Variants in ATL1 observed in about 807,000 individuals in gnomAD.
ATL1 encodes the protein atlastin GTPase 1.
A neutral mutation model predicts 75.5 loss-of-function variants in ATL1; 31 were observed. The ratio of observed to expected loss-of-function variants is 0.41; its 90% CI spans 0.31 to 0.55. The LOEUF (loss-of-function observed/expected upper bound fraction) is 0.55. Among genes scored for constraint, ATL1 ranks in the 20% least tolerant of loss-of-function variants. The pLI is 0.27. For missense variants in ATL1, 405 were observed against 662.6 expected, an observed-to-expected ratio of 0.61 and a Z score of 4.27; for synonymous variants, 226 against 233.3, an observed-to-expected ratio of 0.97 and a Z score of 0.28.
intron 1 of ATL1, chr14:50,572,274 T>A (rs2038961684): frequency 1.5e-5 from 3 of 201,904 alleles, no homozygotes; most frequent in South Asian, 1.8e-4. Flanking sequence ...TTAAAAAAAA[T>A]TCTCTGTAAG....
At chr14:50,548,190 C>T (rs1397720306) in intron 1 of ATL1, among the ~76,000 whole-genome samples, 2 of 152,186 alleles carry the variant, frequency 1.3e-5, no homozygotes, top group Non-Finnish European at 2.9e-5. Context: ...GATAGTACAG[C>T]AGCTTGTTCC....
At chr14:50,598,430 G>A (rs2039241612) in intron 6 of ATL1, among the ~76,000 whole-genome samples, 2 of 151,770 alleles carry the variant, frequency 1.3e-5, no homozygotes, top group East Asian at 1.9e-4. Flanking sequence ...TCATGATCTC[G>A]GCTCACTACA....
rs778508132 is a variant in ATL1, at chr14:50,593,833, T to C, written c.523-13T>C. The C allele has an allele frequency of 2.1e-5, 32 of 1,545,178 alleles. No homozygotes were observed. The highest frequency in any genetic ancestry group is 1.7e-4 in the South Asian group (15 of 89,490). The stretch of plus-strand genomic sequence containing the variant: ...CAGTTATCTTATCATTGTAATTTTA[T>C]TTCTTTATCAAGGTATATAACTTAT... On this transcript the variant is annotated splice_polypyrimidine_tract_variant and intron_variant, in intron 4 of 13. Coordinates refer to ENST00000358385, the MANE Select transcript of ATL1 (RefSeq NM_015915.5).
upstream of ATL1, among the ~76,000 whole-genome samples, chr14:50,558,001 A>T (rs544917486): frequency 6.6e-6 from 1 of 152,374 alleles, no homozygotes; most frequent in African/African-American, 2.4e-5. Context: ...GAATTTAGGC[A>T]TTAAAAAGAA....
chr14:50,576,211 C>G (rs971125813), intron 1 of ATL1, among the ~76,000 whole-genome samples: 1 of 152,090 alleles, frequency 6.6e-6, no homozygotes, highest in Non-Finnish European at 1.5e-5. Context: ...TGTAGGCTAA[C>G]GTGTTTTGAG....
chr14:50,564,506 G>T (rs564833628), intron 1 of ATL1, among the ~76,000 whole-genome samples: 5 of 151,712 alleles, frequency 3.3e-5, no homozygotes, highest in Non-Finnish European at 7.4e-5. Flanking sequence ...AAAATTAGCC[G>T]GGTATGGTGG....
At chr14:50,597,877 A>G (rs557822923) in intron 6 of ATL1, among the ~76,000 whole-genome samples, 1 of 152,040 alleles carries the variant, frequency 6.6e-6, no homozygotes, top group South Asian at 2.1e-4. Flanking sequence ...TTGTGTTTTT[A>G]GTAGAGACAG....
chr14:50,630,609 C>T (rs905240116), intron 13 of ATL1, among the ~76,000 whole-genome samples: 1 of 152,158 alleles, frequency 6.6e-6, no homozygotes, highest in Non-Finnish European at 1.5e-5. Context: ...AGAAAAATTA[C>T]CACTCTGGAA....
intron 1 of ATL1, among the ~76,000 whole-genome samples, chr14:50,574,499 TA>T (rs2038982746): frequency 6.6e-6 from 1 of 152,064 alleles, no homozygotes. Flanking sequence ...GCACAAAGAG[TA>T]ATCATCCATT....
Position 50,628,267 on chromosome 14 carries a change from T to G in ATL1, c.1356T>G (p.Phe452Leu). Residue 452 changes from phenylalanine (F) to leucine (L), a missense_variant, in exon 12 of 14, where the codon TTT becomes TTG. Phe to Leu is a conservative substitution (Grantham distance 22, BLOSUM62 0). This residue lies in a region of ATL1 where 163 missense variants were observed against 244.1 expected (regional missense o/e 0.67). Transcript: ENST00000358385. Reference sequence around the variant, plus strand: ...CAGCTCGTACCCCAGCCACACTGTTTGTAGTCATCTTTATCACATATGTGA... The same window carrying G: ...CAGCTCGTACCCCAGCCACACTGTTGGTAGTCATCTTTATCACATATGTGA... ...FHAARTPATL[F>L]VVIFITYVIA... is the part of the protein sequence containing the mutation. 1 of 1,614,192 alleles carries G rather than the reference T, an allele frequency of 6.2e-7. No individual in the cohort carries two copies.
rs552479328 is a variant in ATL1 at position 50,560,169 on chromosome 14, CGCGG to C, written c.-94_-91del. 53 of 1,451,804 alleles carry C rather than the reference CGCGG, an allele frequency of 3.7e-5. 1 individual carries two copies. In the African/African-American group the frequency reaches 4.1e-4, roughly 11 times the overall value. The allele number at this position is 1,451,804 out of a possible 1,614,324, so 89.9% of individuals were successfully genotyped here. A position where few individuals can be genotyped will look rare whatever the true frequency, so the allele number is the denominator to read the frequency against. ...CAGAGTCTGAGCGAACTGCGCCCAG[CGCGG>C]GCACGGAGCCTCCCACCGCCAGCAA... On this transcript the variant is annotated 5_prime_UTR_variant, in exon 1 of 14. Transcript: ENST00000358385.
At chr14:50,540,841 A>G (rs1303601726) in intron 1 of ATL1, among the ~76,000 whole-genome samples, 1 of 152,246 alleles carries the variant, frequency 6.6e-6, no homozygotes, top group East Asian at 1.9e-4. Flanking sequence ...AAAGTAGAAT[A>G]CCAAGATTAA....
chr14:50,567,176 TATG>T (rs2140181729), intron 1 of ATL1, among the ~76,000 whole-genome samples: 1 of 152,362 alleles, frequency 6.6e-6, no homozygotes, highest in African/African-American at 2.4e-5. Flanking sequence ...TTTCTTTCAC[TATG>T]ACTTTGACTA....
At chr14:50,611,617 A>G (rs2039367273) in intron 6 of ATL1, among the ~76,000 whole-genome samples, 1 of 152,184 alleles carries the variant, frequency 6.6e-6, no homozygotes, top group African/African-American at 2.4e-5. Context: ...AGACCTGATC[A>G]GCCTCTTCAC....
intron 6 of ATL1, among the ~76,000 whole-genome samples, chr14:50,597,689 A>G (rs896059801): frequency 1.3e-5 from 2 of 152,096 alleles, no homozygotes; most frequent in South Asian, 2.1e-4. Flanking sequence ...TAAAAGGTCA[A>G]TAGTGTTTAT....
chr14:50,533,218 A>ATTGCAC (rs1346871696), exon 1 of ATL1: 2 of 152,204 alleles, frequency 1.3e-5, no homozygotes, highest in Non-Finnish European at 2.9e-5. Context: ...CATCGCTGGT[A>ATTGCAC]TTGCACCTTT....
At chr14:50,616,704 A>G (rs1353743917) in intron 8 of ATL1, among the ~76,000 whole-genome samples, 1 of 152,174 alleles carries the variant, frequency 6.6e-6, no homozygotes, top group Admixed American at 6.6e-5. Flanking sequence ...TTATGAGTTT[A>G]CCAAAGTGCC....
chr14:50,612,951 A>T (rs564046540), intron 6 of ATL1, among the ~76,000 whole-genome samples: 50 of 152,296 alleles, frequency 3.3e-4, no homozygotes, highest in Non-Finnish European at 5.6e-4. Flanking sequence ...TATTCTACAC[A>T]AAATCTGATT....
chr14:50,620,744 A>G lies in ATL1; in HGVS notation c.990+18A>G. 1 of 1,612,264 alleles carries G rather than the reference A, an allele frequency of 6.2e-7. No homozygotes were observed. Among genetic ancestry groups the G allele is most frequent in the Non-Finnish European group, 8.5e-7 (1 of 1,178,742 alleles). ...ACTTCAAGGTATCACTCTCATTTCTAGAGCATTCGTGGGATAGATTTGACA... is the reference window on the plus strand; with the variant it reads ...ACTTCAAGGTATCACTCTCATTTCTGGAGCATTCGTGGGATAGATTTGACA... On this transcript the variant is annotated intron_variant, in intron 9 of 13. Coordinates refer to ENST00000358385, the MANE Select transcript of ATL1 (RefSeq NM_015915.5).
Sources: gnomAD v4.1 joint callset for allele counts (sites outside exome capture counted in the v4.1 genomes callset) on GRCh38, gnomAD v4.1.1 for gene constraint, gnomAD v4.1.1 regional missense constraint, MANE v1.5 for transcripts, NCBI Gene and HGNC (gene_info 2026-07-23, HGNC 2026-07-21) for gene names.